The following EPHA6 variants were observed in gnomAD, a reference collection of about 807,000 sequenced individuals.
EPHA6 encodes the protein EPH receptor A6, also known as ephrin type-A receptor 6.
EPHA6 carries 50 observed loss-of-function variants against 112.0 expected under a neutral mutation model. The observed-to-expected ratio is 0.45, with a 90% confidence interval of 0.36 to 0.56. The LOEUF is 0.56. EPHA6 is among the 20% of genes least tolerant of loss of function. EPHA6 has a pLI of 0.00. For synonymous variants in EPHA6, 529 were observed against 490.7 expected, an observed-to-expected ratio of 1.08 and a Z score of -1.03; for missense variants, 1,280 against 1,417.4, an observed-to-expected ratio of 0.90 and a Z score of 1.56.
chr3:97,383,497 A>AC (rs1367792119), intron 5 of EPHA6, among the ~76,000 whole-genome samples: 9 of 152,088 alleles, frequency 5.9e-5, no homozygotes, highest in African/African-American at 2.2e-4. Context: ...ATTTTCAGTT[A>AC]ATCAAGTACC....
intron 7 of EPHA6, among the ~76,000 whole-genome samples, chr3:97,451,413 C>T (rs1300134833): frequency 6.6e-6 from 1 of 151,694 alleles, no homozygotes; most frequent in Non-Finnish European, 1.5e-5. Context: ...ATGGTGAAAA[C>T]TATGTTCTGA....
chr3:97,218,828 G>A (rs1316360833), intron 3 of EPHA6, among the ~76,000 whole-genome samples: 2 of 152,128 alleles, frequency 1.3e-5, no homozygotes, highest in Non-Finnish European at 2.9e-5. Context: ...TCTGAGAAAA[G>A]GCAAGTCCCT....
chr3:97,675,794 C>CTGTA lies in EPHA6; in HGVS notation c.2784+37713_2784+37716dup, dbSNP rs1445918769. ...AAAATAGACTATCATAGATGTCAGC[C>CTGTA]TGTAGTCTTTTAAAAAGTAAAAGAA... On this transcript the variant is annotated intron_variant, in intron 14 of 17. Transcript: ENST00000389672. Among the ~76,000 whole-genome samples, 10 of 152,082 alleles carry CTGTA rather than the reference C, an allele frequency of 6.6e-5. No individual in the cohort carries two copies. The East Asian group carries it at 1.9e-3, about 29-fold the overall frequency.
intron 5 of EPHA6, among the ~76,000 whole-genome samples, chr3:97,293,825 A>T (rs4857253): frequency 0.23 from 34,303 of 152,122 alleles, 9,087 homozygotes; most frequent in African/African-American, 0.63. Flanking sequence ...ATGTCCATGG[A>T]TCCCTGGCTG....
intron 3 of EPHA6, among the ~76,000 whole-genome samples, chr3:97,025,309 G>A (rs1012336680): frequency 1.3e-5 from 2 of 152,142 alleles, no homozygotes; most frequent in African/African-American, 4.8e-5. Flanking sequence ...AAGGGAGAGA[G>A]AGAGAGAATG....
rs1244892050 is a variant in EPHA6, at chr3:97,188,205, G to A, written c.1115-38059G>A. On this transcript the variant is annotated intron_variant, in intron 3 of 17. Transcript: ENST00000389672. ...TATTTTTAATTGCAAATAGTGTTCA[G>A]CAGCTAAATGGATCAGCAAATTTTA... Among the ~76,000 whole-genome samples, 4 of 152,078 alleles carry A rather than the reference G, an allele frequency of 2.6e-5. No individual in the cohort carries two copies. In the East Asian group the frequency reaches 5.8e-4, roughly 22 times the overall value.
chr3:96,952,182 T>C (rs75695634), intron 2 of EPHA6, among the ~76,000 whole-genome samples: 1 of 152,164 alleles, frequency 6.6e-6, no homozygotes, highest in East Asian at 1.9e-4. Flanking sequence ...CTACTTGTGG[T>C]CTGACGCGTG....
intron 3 of EPHA6, among the ~76,000 whole-genome samples, chr3:97,135,912 CTA>C (rs1358596477): frequency 1.3e-5 from 2 of 151,916 alleles, no homozygotes; most frequent in Non-Finnish European, 2.9e-5. Context: ...AGCAAGCAAG[CTA>C]TGAGTGGTAA....
At chr3:96,884,767 A>T (rs1008043367) in intron 2 of EPHA6, among the ~76,000 whole-genome samples, 6 of 152,130 alleles carry the variant, frequency 3.9e-5, no homozygotes, top group African/African-American at 1.4e-4. Flanking sequence ...TATGTTGAAG[A>T]GGAGTGGTGA....
intron 2 of EPHA6, among the ~76,000 whole-genome samples, chr3:96,877,859 C>T (rs1270666581): frequency 6.6e-6 from 1 of 151,084 alleles, no homozygotes; most frequent in African/African-American, 2.4e-5. Flanking sequence ...TTAAAGAAGT[C>T]TTTCATCAAA....
intron 3 of EPHA6, among the ~76,000 whole-genome samples, chr3:97,182,419 A>T (rs1047966707): frequency 8.6e-5 from 13 of 151,500 alleles, no homozygotes; most frequent in African/African-American, 2.9e-4. Context: ...GGGCAACAGT[A>T]TTGAAAAATT....
chr3:97,345,153 G>T (rs1334939709), intron 5 of EPHA6, among the ~76,000 whole-genome samples: 1 of 152,100 alleles, frequency 6.6e-6, no homozygotes, highest in Non-Finnish European at 1.5e-5. Context: ...TTGAGAATAT[G>T]TCCAAATAAA....
At chr3:97,033,479 G>A (rs542775245) in intron 3 of EPHA6, among the ~76,000 whole-genome samples, 2 of 151,986 alleles carry the variant, frequency 1.3e-5, no homozygotes, top group South Asian at 4.2e-4. Context: ...TTCACATAGA[G>A]ATATTCAAAA....
At chr3:96,949,254 T>C (rs2041423867) in intron 2 of EPHA6, among the ~76,000 whole-genome samples, 1 of 151,998 alleles carries the variant, frequency 6.6e-6, no homozygotes, top group African/African-American at 2.4e-5. Flanking sequence ...ACTTAAATCT[T>C]AAAAACAAAA....
In EPHA6 at chr3:97,065,264, T is replaced by C. The variant is rs144585569; in HGVS notation, c.1114+77271T>C. On this transcript the variant is annotated intron_variant, in intron 3 of 17. Transcript: ENST00000389672. ...ATTAATTTTTAAATGCTGAACATAG[T>C]TGACATTTCAAATTGAATTGTTACT... Among the ~76,000 whole-genome samples the C allele has an allele frequency of 8.5e-5, 13 of 152,304 alleles. 2 individuals are homozygous for C. Among genetic ancestry groups the C allele is most frequent in the African/African-American group, 2.9e-4 (12 of 41,582 alleles).
At position 97,591,122 on chromosome 3, in the gene EPHA6, A is replaced by G. The variant is rs555141820; in HGVS notation, c.2387-1490A>G. 1.3e-4 allele frequency among the ~76,000 whole-genome samples: 20 copies of G among 152,302 alleles called. No individual in the cohort carries two copies. The East Asian group carries it at 3.9e-3, about 29-fold the overall frequency. Reference sequence around the variant, plus strand: ...CCCTACACTAAGGCCCCATAAAATCAACAACAAAACTAGTTTATTCACTGT... The same window carrying G: ...CCCTACACTAAGGCCCCATAAAATCGACAACAAAACTAGTTTATTCACTGT... On this transcript the variant is annotated intron_variant, in intron 11 of 17. Transcript: ENST00000389672.
intron 3 of EPHA6, among the ~76,000 whole-genome samples, chr3:97,074,909 C>T (rs533378540): frequency 3.2e-4 from 48 of 152,112 alleles, no homozygotes; most frequent in Non-Finnish European, 5.4e-4. Context: ...CTTTCTCATA[C>T]ATGTCTCCAT....
chr3:97,036,867 G>C (rs527523484), intron 3 of EPHA6, among the ~76,000 whole-genome samples: 2 of 151,940 alleles, frequency 1.3e-5, no homozygotes, highest in South Asian at 4.2e-4. Context: ...CTGATTGTTG[G>C]CTGCTGATAG....
intron 12 of EPHA6, among the ~76,000 whole-genome samples, chr3:97,599,052 C>T (rs1461777815): frequency 4.0e-5 from 6 of 151,392 alleles, no homozygotes; most frequent in African/African-American, 1.2e-4. Flanking sequence ...TTTTTGGCTG[C>T]ATAAATGTCT....
Sources: allele counts gnomAD v4.1 joint callset (sites outside exome capture counted in the v4.1 genomes callset), GRCh38; gene constraint gnomAD v4.1.1; transcripts MANE v1.5; gene names NCBI Gene and HGNC (gene_info 2026-07-23, HGNC 2026-07-21).